TRAPPC9: variants seen among roughly 807,000 people sequenced by gnomAD.
The protein encoded by TRAPPC9 is trafficking protein particle complex subunit 9.
In TRAPPC9, 83 loss-of-function variants were observed where a neutral mutation model predicts 124.0. The observed-to-expected ratio is 0.67, with a 90% CI of 0.56 to 0.80. The LOEUF (loss-of-function observed/expected upper bound fraction) is 0.80. TRAPPC9 is among the 30% of genes least tolerant of loss of function. The probability of loss-of-function intolerance (pLI) is 0.00; values close to 1 mark genes in which losing one functional copy is unlikely to be tolerated. For missense variants in TRAPPC9, 1,302 were observed against 1,508.3 expected, an observed-to-expected ratio of 0.86 and a Z score of 2.27; for synonymous variants, 638 against 617.5, an observed-to-expected ratio of 1.03 and a Z score of -0.49.
chr8:140,083,626 C>A (rs1472687797), intron 17 of TRAPPC9, among the ~76,000 whole-genome samples: 1 of 151,720 alleles, frequency 6.6e-6, no homozygotes, highest in African/African-American at 2.4e-5. Flanking sequence ...GAAAAGAATA[C>A]CCACAGAAGG....
chr8:139,737,422 C>T (rs373416745), intron 21 of TRAPPC9, among the ~76,000 whole-genome samples: 1 of 140,548 alleles, frequency 7.1e-6, no homozygotes, highest in African/African-American at 2.6e-5. Context: ...CTCACCACCC[C>T]GCAGAGCACC....
chr8:140,391,496 T>A (rs2068921281), intron 7 of TRAPPC9, among the ~76,000 whole-genome samples: 1 of 151,780 alleles, frequency 6.6e-6, no homozygotes, highest in African/African-American at 2.4e-5. Context: ...GTGGATCACC[T>A]AAGGTCGGGA....
chr8:140,269,325 A>T (rs1257940854), intron 15 of TRAPPC9, among the ~76,000 whole-genome samples: 1 of 151,844 alleles, frequency 6.6e-6, no homozygotes, highest in Non-Finnish European at 1.5e-5. Flanking sequence ...GCAGATCACG[A>T]GGTCAGGAGA....
intron 7 of TRAPPC9, among the ~76,000 whole-genome samples, chr8:140,379,543 G>A (rs72692378): frequency 0.021 from 3,230 of 152,236 alleles, 41 homozygotes; most frequent in Non-Finnish European, 0.034. Context: ...CAGTATACAT[G>A]ACACATTTAA....
At chr8:140,384,277 C>G (rs1378524603) in intron 7 of TRAPPC9, among the ~76,000 whole-genome samples, 1 of 151,634 alleles carries the variant, frequency 6.6e-6, no homozygotes, top group African/African-American at 2.4e-5. Context: ...AACCAGCTAA[C>G]ATCATAATGA....
chr8:139,969,817 T>C (rs1383633704), intron 19 of TRAPPC9, among the ~76,000 whole-genome samples: 1 of 152,228 alleles, frequency 6.6e-6, no homozygotes, highest in Non-Finnish European at 1.5e-5. Context: ...CTAATAGATC[T>C]GGAGTTAATG....
intron 21 of TRAPPC9, among the ~76,000 whole-genome samples, chr8:139,791,724 A>G (rs552678922): frequency 1.6e-4 from 24 of 152,352 alleles, no homozygotes; most frequent in African/African-American, 5.5e-4. Flanking sequence ...TGGTGGTCAC[A>G]AGCCCAGCTC....
intron 1 of TRAPPC9, among the ~76,000 whole-genome samples, chr8:140,451,824 A>T (rs1027131139): frequency 6.6e-6 from 1 of 152,162 alleles, no homozygotes; most frequent in Non-Finnish European, 1.5e-5. Flanking sequence ...TAGTGGTGAT[A>T]ATAGAACTTG....
Position 139,730,752 on chromosome 8 carries a change from A to C in TRAPPC9, c.*309T>G. 4.8e-6 allele frequency: 2 copies of C among 413,630 alleles called. No homozygotes were observed. The highest frequency in any genetic ancestry group is 8.9e-6 in the Non-Finnish European group (2 of 223,880). 25.6% of individuals were successfully genotyped at this position (413,630 alleles called of 1,614,324 possible). On this transcript the variant is annotated 3_prime_UTR_variant, in exon 23 of 23. Coordinates refer to ENST00000438773, the MANE Select transcript of TRAPPC9 (RefSeq NM_001160372.4). ...CACGGCTGGGGCCCCAGGTCACAGA[A>C]ATGGGTGCAGGGATCCTGGGACCTG... is the stretch of plus-strand genomic sequence containing the variant.
At chr8:139,821,437 C>T (rs1002839146) in intron 21 of TRAPPC9, among the ~76,000 whole-genome samples, 4 of 152,172 alleles carry the variant, frequency 2.6e-5, no homozygotes, top group African/African-American at 7.2e-5. Context: ...TGTCAGCATG[C>T]GGGTCTCAGA....
intron 17 of TRAPPC9, among the ~76,000 whole-genome samples, chr8:140,037,894 AC>A (rs1841014024): frequency 6.9e-6 from 1 of 145,710 alleles, no homozygotes; most frequent in Non-Finnish European, 1.5e-5. Context: ...ACACACACAC[AC>A]ACACACACAC....
At chr8:139,798,538 G>GT (rs1823258643) in intron 21 of TRAPPC9, among the ~76,000 whole-genome samples, 1 of 152,304 alleles carries the variant, frequency 6.6e-6, no homozygotes, top group Admixed American at 6.5e-5. Context: ...TGCTTGTTTG[G>GT]TTTTTTCAAA....
rs1825582548 is a variant in TRAPPC9 at position 139,825,781 on chromosome 8, G to A, written c.3055+60098C>T. Among the ~76,000 whole-genome samples the A allele has an allele frequency of 6.6e-6, 1 of 152,120 alleles. No homozygotes were observed. Among genetic ancestry groups the A allele is most frequent in the South Asian group, 2.1e-4 (1 of 4,808 alleles). Reference sequence around the variant, plus strand: ...GGAGGCAATTCCGAAGAGCAGACGAGCCTCCGAGACAACAGCCGTGAGACG... The same window carrying A: ...GGAGGCAATTCCGAAGAGCAGACGAACCTCCGAGACAACAGCCGTGAGACG... On this transcript the variant is annotated intron_variant, in intron 21 of 22. Coordinates refer to ENST00000438773, the MANE Select transcript of TRAPPC9 (RefSeq NM_001160372.4). This position sits in a 1 kb window ranked among gnomAD's most constrained non-coding sequence, Gnocchi z 4.6.
chr8:139,743,909 C>G (rs1818718175), intron 21 of TRAPPC9, among the ~76,000 whole-genome samples: 1 of 152,194 alleles, frequency 6.6e-6, no homozygotes, highest in South Asian at 2.1e-4. Context: ...AGTAACTGAC[C>G]TTTTCACTTT....
chr8:140,204,233 T>A (rs576661916), intron 17 of TRAPPC9, among the ~76,000 whole-genome samples: 1 of 151,972 alleles, frequency 6.6e-6, no homozygotes, highest in Admixed American at 6.5e-5. Flanking sequence ...CAAATGTCCA[T>A]CAATGATAGA....
intron 17 of TRAPPC9, among the ~76,000 whole-genome samples, chr8:140,114,350 A>C (rs993574339): frequency 1.3e-5 from 2 of 151,516 alleles, no homozygotes; most frequent in Non-Finnish European, 1.5e-5. Flanking sequence ...AAAAAAAAAA[A>C]ACCTCACAAA....
Position 140,010,124 on chromosome 8 carries a change from C to T in TRAPPC9, c.2699+13813G>A, listed in dbSNP as rs185864577. 1.2e-3 allele frequency among the ~76,000 whole-genome samples: 184 copies of T among 152,162 alleles called. 1 individual carries two copies. The highest frequency in any genetic ancestry group is 1.6e-3 in the Non-Finnish European group (108 of 68,002). On this transcript the variant is annotated intron_variant, in intron 18 of 22. Coordinates refer to ENST00000438773, the MANE Select transcript of TRAPPC9 (RefSeq NM_001160372.4). ...TTTATTTATACCATGAATAACAAAT[C>T]GAAATTTAATTTTTAACAGTTTTAA...
intron 15 of TRAPPC9, among the ~76,000 whole-genome samples, chr8:140,260,943 A>G (rs2064390459): frequency 6.6e-6 from 1 of 152,246 alleles, no homozygotes; most frequent in Non-Finnish European, 1.5e-5. Flanking sequence ...ATATGGCAGA[A>G]AAGAAAATAT....
chr8:140,089,870 G>A (rs1844449026), intron 17 of TRAPPC9, among the ~76,000 whole-genome samples: 1 of 152,054 alleles, frequency 6.6e-6, no homozygotes, highest in African/African-American at 2.4e-5. Flanking sequence ...ACGAGGTGAG[G>A]AGATCAAGAC....
Sources: allele counts gnomAD v4.1 joint callset (sites outside exome capture counted in the v4.1 genomes callset), GRCh38; gene constraint gnomAD v4.1.1; non-coding constraint Gnocchi (gnomAD v3.1); transcripts MANE v1.5; gene names NCBI Gene and HGNC (gene_info 2026-07-23, HGNC 2026-07-21).